GPC6: variants seen among roughly 807,000 people sequenced by gnomAD.
GPC6 encodes the protein glypican-6.
GPC6 carries 14 observed loss-of-function variants against 55.2 expected under a neutral mutation model. That is an observed-to-expected ratio of 0.25 (90% CI 0.17 to 0.40). The LOEUF is 0.40. Ranked by LOEUF, GPC6 falls within the 10% of genes least tolerant of loss-of-function variation. GPC6 has a pLI of 1.00. For synonymous variants in GPC6, 278 were observed against 259.6 expected, an observed-to-expected ratio of 1.07 and a Z score of -0.68; for missense variants, 641 against 708.5, an observed-to-expected ratio of 0.90 and a Z score of 1.08.
intron 3 of GPC6, among the ~76,000 whole-genome samples, chr13:93,921,747 G>A (rs1026007144): frequency 1.3e-5 from 2 of 151,690 alleles, no homozygotes; most frequent in African/African-American, 4.8e-5. Context: ...GCATTTGGGT[G>A]TGAAAACAGG....
chr13:93,287,542 C>A (rs1297227921), intron 1 of GPC6, among the ~76,000 whole-genome samples: 1 of 152,218 alleles, frequency 6.6e-6, no homozygotes, highest in Non-Finnish European at 1.5e-5. Context: ...TCTTGAAGAA[C>A]TTATCATCAC....
intron 4 of GPC6, among the ~76,000 whole-genome samples, chr13:94,284,434 TATATC>T (rs1251398181): frequency 4.0e-5 from 6 of 151,576 alleles, no homozygotes; most frequent in East Asian, 1.9e-4. Flanking sequence ...TGGGGGTTAT[TATATC>T]ATATGAATAC....
intron 4 of GPC6, among the ~76,000 whole-genome samples, chr13:94,209,147 T>G (rs1419379939): frequency 3.3e-5 from 5 of 152,162 alleles, no homozygotes; most frequent in Non-Finnish European, 7.3e-5. Context: ...ATAAATGAAT[T>G]TCTTTAGGAT....
At chr13:94,328,770 G>A (rs1348525292) in intron 6 of GPC6, among the ~76,000 whole-genome samples, 1 of 152,262 alleles carries the variant, frequency 6.6e-6, no homozygotes, top group South Asian at 2.1e-4. Flanking sequence ...CGTCCGCTGG[G>A]GAAGTGGGCA....
At chr13:94,368,757 C>T (rs1451994370) in intron 6 of GPC6, among the ~76,000 whole-genome samples, 1 of 152,178 alleles carries the variant, frequency 6.6e-6, no homozygotes, top group Non-Finnish European at 1.5e-5. Context: ...GGTACATTCA[C>T]AGACCTTGTT....
chr13:93,510,331 T>A (rs1880908060), intron 1 of GPC6, among the ~76,000 whole-genome samples: 1 of 152,104 alleles, frequency 6.6e-6, no homozygotes, highest in Middle Eastern at 3.2e-3. Flanking sequence ...AAATCAGCCT[T>A]CTCAGTCTCT....
At position 93,286,161 on chromosome 13, in the gene GPC6, A is replaced by T. The variant is rs1023499489; in HGVS notation, c.160+58545A>T. ...TCAGGAAACTTACAACCCTGGCAGAAGGCACCTTTTCATGGGGCGGCAGGA... is the reference window on the plus strand; with the variant it reads ...TCAGGAAACTTACAACCCTGGCAGATGGCACCTTTTCATGGGGCGGCAGGA... On this transcript the variant is annotated intron_variant, in intron 1 of 8. Coordinates refer to ENST00000377047, the MANE Select transcript of GPC6 (RefSeq NM_005708.5). Among the ~76,000 whole-genome samples, 58 of 152,270 alleles carry T rather than the reference A, an allele frequency of 3.8e-4. 1 individual carries two copies. The highest frequency in any genetic ancestry group is 8.8e-5 in the Non-Finnish European group (6 of 68,028).
At position 93,227,795 on chromosome 13, in the gene GPC6, G is replaced by A. The variant is rs1875853328; in HGVS notation, c.160+179G>A. Among the ~76,000 whole-genome samples, 1 of 152,172 alleles carries A rather than the reference G, an allele frequency of 6.6e-6. No individual in the cohort carries two copies. The highest frequency in any genetic ancestry group is 1.5e-5 in the Non-Finnish European group (1 of 68,028). On this transcript the variant is annotated intron_variant, in intron 1 of 8. Coordinates refer to ENST00000377047, the MANE Select transcript of GPC6 (RefSeq NM_005708.5). The surrounding 1 kb of genome is among the most constrained non-coding windows in gnomAD (Gnocchi z 4.3). The stretch of plus-strand genomic sequence containing the variant: ...ATGCTCCTGCGGCTTCTTCGGCGGG[G>A]GAAGGTGTGCGTCTCCGCCGCCTCA...
chr13:93,755,728 A>C (rs550370085), intron 2 of GPC6, among the ~76,000 whole-genome samples: 1 of 152,234 alleles, frequency 6.6e-6, no homozygotes, highest in Non-Finnish European at 1.5e-5. Flanking sequence ...CTGTTCTTCC[A>C]TAAGTTGAGC....
At chr13:93,480,680 A>T (rs1879482176) in intron 1 of GPC6, among the ~76,000 whole-genome samples, 1 of 152,198 alleles carries the variant, frequency 6.6e-6, no homozygotes, top group Non-Finnish European at 1.5e-5. Flanking sequence ...ATCCCTTGGC[A>T]ACTACTAATC....
chr13:94,099,991 A>G (rs948108697), intron 4 of GPC6, among the ~76,000 whole-genome samples: 2 of 152,298 alleles, frequency 1.3e-5, no homozygotes, highest in African/African-American at 4.8e-5. Flanking sequence ...GGAGAGGAGC[A>G]GGAAAGATAG....
intron 4 of GPC6, among the ~76,000 whole-genome samples, chr13:94,176,955 C>T (rs1353987336): frequency 6.6e-6 from 1 of 152,128 alleles, no homozygotes; most frequent in Non-Finnish European, 1.5e-5. Flanking sequence ...AAGTACTACC[C>T]TAAGCGCACA....
At chr13:93,437,771 T>C (rs1053139092) in intron 1 of GPC6, among the ~76,000 whole-genome samples, 6 of 152,126 alleles carry the variant, frequency 3.9e-5, no homozygotes, top group African/African-American at 1.4e-4. Context: ...AGAACTAAGA[T>C]AACTGATGAA....
chr13:93,855,787 C>T (rs967209084), intron 3 of GPC6, among the ~76,000 whole-genome samples: 1 of 151,556 alleles, frequency 6.6e-6, no homozygotes. Flanking sequence ...AGCATCTTTT[C>T]GTATGCTTAT....
At chr13:93,740,491 C>A (rs1025159552) in intron 2 of GPC6, among the ~76,000 whole-genome samples, 1 of 152,264 alleles carries the variant, frequency 6.6e-6, no homozygotes, top group Middle Eastern at 3.4e-3. Context: ...AGAGTTATGG[C>A]AGCTTTTTGC....
At chr13:93,999,660 C>T (rs1318394692) in intron 3 of GPC6, among the ~76,000 whole-genome samples, 1 of 152,072 alleles carries the variant, frequency 6.6e-6, no homozygotes, top group Non-Finnish European at 1.5e-5. Flanking sequence ...TCCATTGTGT[C>T]GACCACATTT....
intron 2 of GPC6, among the ~76,000 whole-genome samples, chr13:93,659,688 C>T (rs973485432): frequency 9.2e-5 from 14 of 151,926 alleles, no homozygotes; most frequent in African/African-American, 3.4e-4. Context: ...TCACATGAAC[C>T]TATTCTCATG....
chr13:94,064,405 G>A lies in GPC6; in HGVS notation c.877+36511G>A, dbSNP rs115246829. On this transcript the variant is annotated intron_variant, in intron 4 of 8. Coordinates refer to ENST00000377047, the MANE Select transcript of GPC6 (RefSeq NM_005708.5). Reference sequence around the variant, plus strand: ...TGAAAAAGGCACTACCCTCCCATCTGGGATACCAGCTCCGTAGCTCGAATG... The same window carrying A: ...TGAAAAAGGCACTACCCTCCCATCTAGGATACCAGCTCCGTAGCTCGAATG... 2.4e-3 allele frequency among the ~76,000 whole-genome samples: 360 copies of A among 152,140 alleles called. 2 individuals are homozygous for A. The highest frequency in any genetic ancestry group is 8.4e-3 in the African/African-American group (349 of 41,506).
chr13:93,513,526 T>A (rs985864418), intron 1 of GPC6, among the ~76,000 whole-genome samples: 1 of 152,206 alleles, frequency 6.6e-6, no homozygotes, highest in Admixed American at 6.5e-5. Context: ...ATGTTGGTAT[T>A]CTCAAAGTGA....
Sources: allele counts gnomAD v4.1 joint callset (sites outside exome capture counted in the v4.1 genomes callset), GRCh38; gene constraint gnomAD v4.1.1; non-coding constraint Gnocchi (gnomAD v3.1); transcripts MANE v1.5; gene names NCBI Gene and HGNC (gene_info 2026-07-23, HGNC 2026-07-21).